Variants in ARF1 observed in about 807,000 individuals in gnomAD.
The protein encoded by ARF1 is ARF GTPase 1.
Under a neutral mutation model 18.0 loss-of-function variants are expected in ARF1, and 1 was observed. The ratio of observed to expected loss-of-function variants is 0.06; its 90% CI spans 0.02 to 0.26. ARF1 has a LOEUF of 0.26. ARF1 is among the 10% of genes least tolerant of loss of function. ARF1 has a pLI of 1.00. For synonymous variants in ARF1, 112 were observed against 96.3 expected, an observed-to-expected ratio of 1.16 and a Z score of -0.95; for missense variants, 73 against 247.2, an observed-to-expected ratio of 0.30 and a Z score of 4.73.
intron 1 of ARF1, among the ~76,000 whole-genome samples, chr1:228,093,821 G>A (rs1329111631): frequency 6.6e-6 from 1 of 151,872 alleles, no homozygotes; most frequent in Non-Finnish European, 1.5e-5. Context: ...CCAGCTACTC[G>A]GGAAGCTGAG....
Position 228,097,051 on chromosome 1 carries a change from C to T in ARF1, c.-37-27C>T. The stretch of plus-strand genomic sequence containing the variant: ...CAACCACTGCTGGGCAGCACAGAAC[C>T]AGACATGGAGCACCTTGTCTCTCCA... On this transcript the variant is annotated intron_variant, in intron 1 of 4. Coordinates refer to ENST00000272102, the MANE Select transcript of ARF1 (RefSeq NM_001658.4). The surrounding 1 kb of genome is among the most constrained non-coding windows in gnomAD (Gnocchi z 8.1). The T allele has an allele frequency of 6.5e-7, 1 of 1,536,576 alleles. No homozygotes were observed. Among genetic ancestry groups the T allele is most frequent in the South Asian group, 1.3e-5 (1 of 78,972 alleles).
intron 1 of ARF1, among the ~76,000 whole-genome samples, chr1:228,090,314 G>T (rs556480768): frequency 7.9e-5 from 12 of 152,174 alleles, no homozygotes; most frequent in Non-Finnish European, 1.5e-4. Context: ...TAGGAGTTGG[G>T]GTTCTGGTCA....
chr1:228,097,460 G>GCTGGGGC lies in ARF1; in HGVS notation c.259+13_259+19dup. 1.2e-6 allele frequency: 2 copies of GCTGGGGC among 1,613,852 alleles called. No homozygotes were observed. Among genetic ancestry groups the GCTGGGGC allele is most frequent in the Non-Finnish European group, 1.7e-6 (2 of 1,179,888 alleles). On this transcript the variant is annotated intron_variant, in intron 3 of 4. Coordinates refer to ENST00000272102, the MANE Select transcript of ARF1 (RefSeq NM_001658.4). The surrounding 1 kb of genome is among the most constrained non-coding windows in gnomAD (Gnocchi z 8.1). ...ACTTCCAGAACACACAAGGTAAGTG[G>GCTGGGGC]CTGGGGCCTGGTCCCATGGGCACTC...
chr1:228,091,110 C>G (rs1411483966), intron 1 of ARF1: 1 of 152,176 alleles, frequency 6.6e-6, no homozygotes, highest in African/African-American at 2.4e-5. Flanking sequence ...TAGTGGGCAA[C>G]GGTTCTTTGG....
Position 228,089,869 on chromosome 1 carries a change from C to T in ARF1, c.-38+7104C>T, listed in dbSNP as rs747421111. Among the ~76,000 whole-genome samples the T allele has an allele frequency of 1.6e-4, 25 of 152,198 alleles. No individual in the cohort carries two copies. The highest frequency in any genetic ancestry group is 2.9e-4 in the Non-Finnish European group (20 of 68,032). ...GGCAGTAGCTCAGTGCCCAGCATGT[C>T]TGTGGTGAGTGTGTAGTTCAGGAAG... On this transcript the variant is annotated intron_variant, in intron 1 of 4. Transcript: ENST00000272102. This position sits in a 1 kb window ranked among gnomAD's most constrained non-coding sequence, Gnocchi z 4.1.
chr1:228,089,912 G>T lies in ARF1; in HGVS notation c.-38+7147G>T, dbSNP rs893966041. Among the ~76,000 whole-genome samples, 1 of 152,190 alleles carries T rather than the reference G, an allele frequency of 6.6e-6. No homozygotes were observed. The highest frequency in any genetic ancestry group is 1.5e-5 in the Non-Finnish European group (1 of 68,030). ...TCAGGAAGTGAACTGGCAAAACTGA[G>T]TATCACCCTCTCTTCCTGGGTTCTT... On this transcript the variant is annotated intron_variant, in intron 1 of 4. Transcript: ENST00000272102. The surrounding 1 kb of genome is among the most constrained non-coding windows in gnomAD (Gnocchi z 4.1).
chr1:228,091,248 G>T (rs2032566519), intron 1 of ARF1, among the ~76,000 whole-genome samples: 1 of 152,170 alleles, frequency 6.6e-6, no homozygotes, highest in South Asian at 2.1e-4. Context: ...GACAAACAGT[G>T]ATCTAAACTG....
At chr1:228,085,037 G>A (rs746952933) in intron 1 of ARF1, among the ~76,000 whole-genome samples, 2 of 152,188 alleles carry the variant, frequency 1.3e-5, no homozygotes, top group South Asian at 2.1e-4. Context: ...TTTCACCTCC[G>A]TAAATTCAAG....
In ARF1 at chr1:228,089,192, TGTGTAGGGGCCAC is replaced by T; in HGVS notation, c.-38+6428_-38+6440del. 6.6e-6 allele frequency among the ~76,000 whole-genome samples: 1 copy of T among 152,130 alleles called. No individual in the cohort carries two copies. The highest frequency in any genetic ancestry group is 3.4e-3 in the Middle Eastern group (1 of 294). On this transcript the variant is annotated intron_variant, in intron 1 of 4. Coordinates refer to ENST00000272102, the MANE Select transcript of ARF1 (RefSeq NM_001658.4). This position sits in a 1 kb window ranked among gnomAD's most constrained non-coding sequence, Gnocchi z 4.1. ...GTCTTGAAGAGAAATGTGGGGTCGT[TGTGTAGGGGCCAC>T]CATCACCTGGAGAGCAGGGCAGATG...
In ARF1 at chr1:228,089,679, T is replaced by C. The variant is rs1386266962; in HGVS notation, c.-38+6914T>C. 3.3e-5 allele frequency among the ~76,000 whole-genome samples: 5 copies of C among 152,020 alleles called. No homozygotes were observed. Among genetic ancestry groups the C allele is most frequent in the African/African-American group, 7.2e-5 (3 of 41,398 alleles). On this transcript the variant is annotated intron_variant, in intron 1 of 4. Coordinates refer to ENST00000272102, the MANE Select transcript of ARF1 (RefSeq NM_001658.4). The surrounding 1 kb of genome is among the most constrained non-coding windows in gnomAD (Gnocchi z 4.1). ...CAAGGGCCCCACCCCCTTCTAGTGG[T>C]TGGAGGAAGGAGCAACTTGCTCTCC...
Position 228,090,151 on chromosome 1 carries a change from G to T in ARF1, c.-37-6927G>T, listed in dbSNP as rs183937457. 9.3e-4 allele frequency among the ~76,000 whole-genome samples: 141 copies of T among 152,344 alleles called. 2 individuals carry two copies. The East Asian group carries it at 0.015, about 16-fold the overall frequency. ...TGGCTTGGTGCTGTGCCATCGCACA[G>T]TCATTCGCTGTTTAGCATGCATGGG... On this transcript the variant is annotated intron_variant, in intron 1 of 4. Coordinates refer to ENST00000272102, the MANE Select transcript of ARF1 (RefSeq NM_001658.4).
chr1:228,093,005 C>T (rs1349181471), intron 1 of ARF1, among the ~76,000 whole-genome samples: 2 of 152,066 alleles, frequency 1.3e-5, no homozygotes, highest in Non-Finnish European at 2.9e-5. Context: ...AACATTCTTC[C>T]TAAAAGACTT....
At chr1:228,095,737 T>G (rs1018578650) in intron 1 of ARF1, among the ~76,000 whole-genome samples, 2 of 152,172 alleles carry the variant, frequency 1.3e-5, no homozygotes, top group African/African-American at 4.8e-5. Flanking sequence ...CTCTCTGCCC[T>G]TCAAGGCGTG....
intron 1 of ARF1, among the ~76,000 whole-genome samples, chr1:228,083,895 G>A (rs2032305064): frequency 6.6e-6 from 1 of 152,266 alleles, no homozygotes; most frequent in Admixed American, 6.5e-5. Context: ...AGGAAAAGAA[G>A]GGAGGTCGGA....
chr1:228,091,821 T>C (rs1431542664), intron 1 of ARF1, among the ~76,000 whole-genome samples: 1 of 152,174 alleles, frequency 6.6e-6, no homozygotes, highest in African/African-American at 2.4e-5. Flanking sequence ...TAGGCTTTAT[T>C]TGGCTGGTGT....
rs902015463 is a variant in ARF1, at chr1:228,082,972, G to T, written c.-38+207G>T. ...GGAGTCGGGGCTGGGCGGACGGGCG[G>T]GTCGGTGAGCTCCTCGCACCCCTCA... On this transcript the variant is annotated intron_variant, in intron 1 of 4. Transcript: ENST00000272102. This position sits in a 1 kb window ranked among gnomAD's most constrained non-coding sequence, Gnocchi z 6.1. 3 of 152,402 alleles carry T rather than the reference G, an allele frequency of 2.0e-5. No individual in the cohort carries two copies. Among genetic ancestry groups the T allele is most frequent in the African/African-American group, 4.8e-5 (2 of 41,408 alleles). The allele number at this position is 152,402 out of a possible 1,614,324, so 9.4% of individuals were successfully genotyped here.
rs573706903 is a variant in ARF1 at position 228,082,919 on chromosome 1, CG to C, written c.-38+157del. 1,721 of 152,794 alleles carry C rather than the reference CG, an allele frequency of 0.011. 16 individuals are homozygous for C. Among genetic ancestry groups the C allele is most frequent in the Middle Eastern group, 0.02 (6 of 294 alleles). 9.5% of individuals were successfully genotyped at this position (152,794 alleles called of 1,614,324 possible). ...GGGCCGGGCCGGGGGCGGACGCAGA[CG>C]GGCCGGGCTGAGGCTGGGGCCCGGC... is the stretch of plus-strand genomic sequence containing the variant. On this transcript the variant is annotated intron_variant, in intron 1 of 4. Coordinates refer to ENST00000272102, the MANE Select transcript of ARF1 (RefSeq NM_001658.4). This position sits in a 1 kb window ranked among gnomAD's most constrained non-coding sequence, Gnocchi z 6.1.
At chr1:228,086,372 C>T (rs1439066802) in intron 1 of ARF1, among the ~76,000 whole-genome samples, 1 of 151,920 alleles carries the variant, frequency 6.6e-6, no homozygotes, top group African/African-American at 2.4e-5. Flanking sequence ...AAAAATAGGC[C>T]AGGTGTGGTG....
In ARF1 at chr1:228,098,822, C is replaced by T. The variant is rs921079892; in HGVS notation, c.*809C>T. 4 of 152,656 alleles carry T rather than the reference C, an allele frequency of 2.6e-5. No individual in the cohort carries two copies. The highest frequency in any genetic ancestry group is 4.4e-5 in the Non-Finnish European group (3 of 68,062). 9.5% of individuals were successfully genotyped at this position (152,656 alleles called of 1,614,324 possible). ...GTCCGTCGTCCCCAACACTCGTGCT[C>T]GCTCAGACACTTTGGCAGGATGTCT... On this transcript the variant is annotated 3_prime_UTR_variant, in exon 5 of 5. Transcript: ENST00000272102.
Sources: gnomAD v4.1 joint callset for allele counts (sites outside exome capture counted in the v4.1 genomes callset) on GRCh38, gnomAD v4.1.1 for gene constraint, Gnocchi (gnomAD v3.1) non-coding constraint, MANE v1.5 for transcripts, NCBI Gene and HGNC (gene_info 2026-07-23, HGNC 2026-07-21) for gene names.